Variants in FIGN observed in about 807,000 individuals in gnomAD.
FIGN encodes the protein fidgetin.
Under a neutral mutation model 51.3 loss-of-function variants are expected in FIGN, and 11 were observed. The ratio of observed to expected loss-of-function variants is 0.21; its 90% CI spans 0.13 to 0.35. The LOEUF (loss-of-function observed/expected upper bound fraction) is 0.35, where lower values mean the gene tolerates loss of function less well. FIGN is among the 10% of genes least tolerant of loss of function. The probability of loss-of-function intolerance (pLI) is 1.00; values close to 1 mark genes in which losing one functional copy is unlikely to be tolerated. For missense variants in FIGN, 857 were observed against 943.6 expected, an observed-to-expected ratio of 0.91 and a Z score of 1.20; for synonymous variants, 407 against 363.2, an observed-to-expected ratio of 1.12 and a Z score of -1.37.
intron 2 of FIGN, 140 bp downstream of exon 2, chr2:163,734,763 A>T (rs1684988733): frequency 1.4e-6 from 1 of 690,302 alleles, no homozygotes; most frequent in Non-Finnish European, 2.3e-6. Flanking sequence ...GCATGGTGAC[A>T]TTAAACATAT....
intron 2 of FIGN, among the ~76,000 whole-genome samples, chr2:163,621,654 A>G (rs1682974695): frequency 6.6e-6 from 1 of 152,074 alleles, no homozygotes; most frequent in Non-Finnish European, 1.5e-5. Flanking sequence ...AGTGAAATAG[A>G]CCTGGTGAAA....
chr2:163,680,323 T>C (rs569542996), intron 2 of FIGN, among the ~76,000 whole-genome samples: 1 of 152,342 alleles, frequency 6.6e-6, no homozygotes, highest in African/African-American at 2.4e-5. Context: ...TCTTCTGGAA[T>C]ACATCCCCTT....
intron 2 of FIGN, among the ~76,000 whole-genome samples, chr2:163,663,304 G>C (rs1462996215): frequency 4.6e-5 from 7 of 151,520 alleles, no homozygotes. Context: ...GAACCGTTCT[G>C]AATTGTAGAT....
intron 2 of FIGN, among the ~76,000 whole-genome samples, chr2:163,720,078 A>T (rs1454583037): frequency 1.3e-5 from 2 of 152,170 alleles, no homozygotes; most frequent in Non-Finnish European, 2.9e-5. Context: ...AGCTGTAAAT[A>T]TCTGGACCGG....
chr2:163,611,435 C>G lies in FIGN; in HGVS notation c.397G>C (p.Ala133Pro). 6.2e-7 allele frequency: 1 copy of G among 1,614,152 alleles called. No homozygotes were observed. The highest frequency in any genetic ancestry group is 8.5e-7 in the Non-Finnish European group (1 of 1,180,018). ...CVPDVITASKAGVSSALPPAD... is the reference protein window; with the variant it reads ...CVPDVITASKPGVSSALPPAD... ...GGAGGGAGGGCTGAACTGACTCCAG[C>G]TTTGCTGGCAGTGATAACATCCGGA... Residue 133 changes from alanine (A) to proline (P), a missense_variant, in exon 3 of 3, where the codon GCT becomes CCT. By Grantham distance (27) the Ala-to-Pro change is conservative (BLOSUM62 -1). Transcript: ENST00000333129.
At chr2:163,708,938 C>T (rs751387463) in intron 2 of FIGN, among the ~76,000 whole-genome samples, 9 of 152,168 alleles carry the variant, frequency 5.9e-5, no homozygotes, top group East Asian at 3.9e-4. Flanking sequence ...TTGTTCACAA[C>T]GATATAGAAA....
At chr2:163,664,431 A>G (rs1489686377) in intron 2 of FIGN, among the ~76,000 whole-genome samples, 2 of 152,182 alleles carry the variant, frequency 1.3e-5, no homozygotes, top group East Asian at 1.9e-4. Context: ...ATTCTAGTAT[A>G]TATATTTTAT....
chr2:163,719,691 A>G (rs553005225), intron 2 of FIGN, among the ~76,000 whole-genome samples: 115 of 152,350 alleles, frequency 7.5e-4, no homozygotes, highest in Non-Finnish European at 1.4e-3. Context: ...AGTGATGCAA[A>G]GAAAAACTAG....
intron 2 of FIGN, among the ~76,000 whole-genome samples, chr2:163,645,605 C>A (rs773246756): frequency 6.6e-6 from 1 of 152,148 alleles, no homozygotes. Flanking sequence ...TAGAAACCAG[C>A]TAAGCCATGG....
intron 2 of FIGN, among the ~76,000 whole-genome samples, chr2:163,721,062 T>C (rs1684749549): frequency 6.6e-6 from 1 of 152,164 alleles, no homozygotes; most frequent in African/African-American, 2.4e-5. Context: ...AACCACTGAC[T>C]TTTAACCATG....
intron 2 of FIGN, among the ~76,000 whole-genome samples, chr2:163,627,601 G>A (rs1361697857): frequency 6.6e-6 from 1 of 152,064 alleles, no homozygotes; most frequent in African/African-American, 2.4e-5. Flanking sequence ...ATATACTCAA[G>A]TTTCTTCTCA....
intron 2 of FIGN, among the ~76,000 whole-genome samples, chr2:163,679,856 A>G (rs145328922): frequency 1.8e-4 from 28 of 152,346 alleles, no homozygotes; most frequent in African/African-American, 6.5e-4. Flanking sequence ...ATCAACTTAT[A>G]TATTACAAAC....
At position 163,609,356 on chromosome 2, in the gene FIGN, G is replaced by T; in HGVS notation, c.*196C>A. Reference sequence around the variant, plus strand: ...CCACATATGCTTTCTGTCATCTGGGGCTTTCAAATCAGAAGCTCTCATTTG... The same window carrying T: ...CCACATATGCTTTCTGTCATCTGGGTCTTTCAAATCAGAAGCTCTCATTTG... On this transcript the variant is annotated 3_prime_UTR_variant, in exon 3 of 3. Coordinates refer to ENST00000333129, the MANE Select transcript of FIGN (RefSeq NM_018086.4). 1 of 587,278 alleles carries T rather than the reference G, an allele frequency of 1.7e-6. No homozygotes were observed. Among genetic ancestry groups the T allele is most frequent in the East Asian group, 2.8e-5 (1 of 35,480 alleles). 36.4% of individuals were successfully genotyped at this position (587,278 alleles called of 1,614,324 possible). A position where few individuals can be genotyped will look rare whatever the true frequency, so the allele number is the denominator to read the frequency against.
intron 2 of FIGN, among the ~76,000 whole-genome samples, chr2:163,632,070 C>A (rs1449601846): frequency 6.6e-6 from 1 of 152,162 alleles, no homozygotes; most frequent in Non-Finnish European, 1.5e-5. Context: ...ATCACTTCAA[C>A]TCAGGAGGCA....
rs1691026269 is a variant in FIGN, at chr2:163,603,767, A to T, written c.*5785T>A. 6.6e-6 allele frequency: 1 copy of T among 152,152 alleles called. No homozygotes were observed. The highest frequency in any genetic ancestry group is 6.6e-5 in the Admixed American group (1 of 15,258). 9.4% of individuals were successfully genotyped at this position (152,152 alleles called of 1,614,324 possible). On this transcript the variant is annotated 3_prime_UTR_variant, in exon 3 of 3. Transcript: ENST00000333129. ...GACAAGCAACTTCAAAAGTCCATTC[A>T]TCGATTGGGTGGGTGGTGAACCCCT...
At chr2:163,727,610 C>T (rs1684857441) in intron 2 of FIGN, among the ~76,000 whole-genome samples, 1 of 152,012 alleles carries the variant, frequency 6.6e-6, no homozygotes, top group Admixed American at 6.6e-5. Flanking sequence ...TTTTTTTCTT[C>T]CTCAAAAATA....
intron 2 of FIGN, among the ~76,000 whole-genome samples, chr2:163,622,608 C>CT (rs1682992176): frequency 6.6e-6 from 1 of 152,012 alleles, no homozygotes; most frequent in South Asian, 2.1e-4. Flanking sequence ...GTCACCCAGG[C>CT]TGGAGCATGG....
intron 2 of FIGN, among the ~76,000 whole-genome samples, chr2:163,726,003 G>A (rs1006821155): frequency 2.6e-5 from 4 of 151,964 alleles, no homozygotes; most frequent in Admixed American, 6.6e-5. Flanking sequence ...AATTGATATC[G>A]ATGATTGGTT....
At position 163,734,985 on chromosome 2, in the gene FIGN, G is replaced by A. The variant is rs1684992558; in HGVS notation, c.-58C>T. 4.4e-6 allele frequency: 7 copies of A among 1,596,524 alleles called. No individual in the cohort carries two copies. In the South Asian group the frequency reaches 4.5e-5, roughly 10 times the overall value. On this transcript the variant is annotated 5_prime_UTR_variant, in exon 2 of 3. Transcript: ENST00000333129. The stretch of plus-strand genomic sequence containing the variant: ...TTTCTCACAAGCAGGAATTCCAAAG[G>A]TTGCTTTTCATTAAAGCCACTTTTC...
Sources: gnomAD v4.1 joint callset for allele counts (sites outside exome capture counted in the v4.1 genomes callset) on GRCh38, gnomAD v4.1.1 for gene constraint, MANE v1.5 for transcripts, NCBI Gene and HGNC (gene_info 2026-07-23, HGNC 2026-07-21) for gene names.